VSTM4: variants seen among roughly 807,000 people sequenced by gnomAD.
VSTM4 encodes V-set and transmembrane domain containing 4.
VSTM4 carries 20 observed loss-of-function variants against 36.4 expected under a neutral mutation model. The observed-to-expected ratio is 0.55, with a 90% confidence interval of 0.39 to 0.80. The LOEUF (loss-of-function observed/expected upper bound fraction) is 0.80, where lower values mean the gene tolerates loss of function less well. Among genes scored for constraint, VSTM4 ranks in the 30% least tolerant of loss-of-function variants. VSTM4 has a pLI of 0.00. For synonymous variants in VSTM4, 182 were observed against 173.9 expected, an observed-to-expected ratio of 1.05 and a Z score of -0.37; for missense variants, 392 against 404.5, an observed-to-expected ratio of 0.97 and a Z score of 0.26.
At chr10:49,028,310 C>A (rs1468021169) in intron 7 of VSTM4, among the ~76,000 whole-genome samples, 1 of 152,162 alleles carries the variant, frequency 6.6e-6, no homozygotes, top group Admixed American at 6.5e-5. Context: ...CTGGGCATCA[C>A]AAAGTGAGTC....
chr10:49,048,668 C>G (rs995144097), intron 5 of VSTM4, 84 bp from the exon 6 acceptor site: 114 of 1,161,790 alleles, frequency 9.8e-5, no homozygotes, highest in Admixed American at 1.3e-4. Flanking sequence ...CAATAGCTTC[C>G]AATAGTTTCT....
intron 2 of VSTM4, among the ~76,000 whole-genome samples, chr10:49,096,622 CGTGTGTGTGTGTGTGTGTGTGTGT>C (rs57143308): frequency 8.2e-6 from 1 of 122,578 alleles, no homozygotes; most frequent in East Asian, 2.4e-4. Context: ...CATTGAAGAC[CGTGTGTGTGTGTGTGTGTGTGTGT>C]GTGTGTGTGT....
chr10:49,097,981 C>T (rs898938111), intron 2 of VSTM4, among the ~76,000 whole-genome samples: 3 of 152,212 alleles, frequency 2.0e-5, no homozygotes, highest in Non-Finnish European at 4.4e-5. Context: ...GGAATCCCAA[C>T]ACTAGGCTAT....
intron 5 of VSTM4, among the ~76,000 whole-genome samples, chr10:49,060,159 A>G (rs1349011049): frequency 6.6e-6 from 1 of 152,234 alleles, no homozygotes; most frequent in Non-Finnish European, 1.5e-5. Context: ...TGAACACAGC[A>G]GCTATGAACA....
rs1048002937 is a variant in VSTM4 at position 49,033,303 on chromosome 10, G to T, written c.838-13528C>A. 2.6e-4 allele frequency among the ~76,000 whole-genome samples: 40 copies of T among 152,264 alleles called. No individual in the cohort carries two copies. The Middle Eastern group carries it at 0.02, about 78-fold the overall frequency. On this transcript the variant is annotated intron_variant, in intron 7 of 7. Coordinates refer to ENST00000332853, the MANE Select transcript of VSTM4 (RefSeq NM_001031746.5). ...ATTCAACCTGTGAACACTGTGTAAA[G>T]AATCATTCCCATTTTTAGGGAACTT... is the stretch of plus-strand genomic sequence containing the variant.
intron 4 of VSTM4, among the ~76,000 whole-genome samples, chr10:49,076,988 G>T (rs1410462607): frequency 6.6e-6 from 1 of 152,162 alleles, no homozygotes; most frequent in African/African-American, 2.4e-5. Flanking sequence ...CAGCAGGAAG[G>T]GGCCTCAGAA....
intron 7 of VSTM4, among the ~76,000 whole-genome samples, chr10:49,028,534 T>C (rs2254632): frequency 0.84 from 128,524 of 152,178 alleles, 55,788 homozygotes; most frequent in Non-Finnish European, 0.93. Context: ...CAAGGAATTC[T>C]GAGGTTGTGC....
intron 3 of VSTM4, among the ~76,000 whole-genome samples, chr10:49,084,542 C>T (rs1844336744): frequency 6.6e-6 from 1 of 152,200 alleles, no homozygotes; most frequent in African/African-American, 2.4e-5. Context: ...CAAGTACTTG[C>T]TCCCTAAGGA....
At chr10:49,049,752 CTTCT>C (rs1319088632) in intron 5 of VSTM4, among the ~76,000 whole-genome samples, 4 of 69,458 alleles carry the variant, frequency 5.8e-5, no homozygotes, top group Non-Finnish European at 1.8e-4. Context: ...AGTATACTGA[CTTCT>C]TTTTTTTTTT....
In VSTM4 at chr10:49,048,466, C is replaced by T; in HGVS notation, c.775+12G>A. On this transcript the variant is annotated intron_variant, in intron 6 of 7. Coordinates refer to ENST00000332853, the MANE Select transcript of VSTM4 (RefSeq NM_001031746.5). ...TAGTTTCCAGGTAAGAAACTGCAGG[C>T]CAGCTCCTTACCTTTGGCAGGGACT... 1.3e-6 allele frequency: 2 copies of T among 1,572,792 alleles called. No homozygotes were observed. Among genetic ancestry groups the T allele is most frequent in the Non-Finnish European group, 1.7e-6 (2 of 1,165,464 alleles).
intron 5 of VSTM4, among the ~76,000 whole-genome samples, chr10:49,061,658 G>T (rs560182848): frequency 6.6e-6 from 1 of 152,066 alleles, no homozygotes; most frequent in East Asian, 1.9e-4. Context: ...AAGGTTTTTT[G>T]CCCTGAAGTA....
intron 2 of VSTM4, among the ~76,000 whole-genome samples, chr10:49,098,998 A>G (rs1171167995): frequency 1.3e-5 from 2 of 152,202 alleles, no homozygotes; most frequent in Non-Finnish European, 2.9e-5. Context: ...AACCTTCCTC[A>G]ATAGAATGGA....
At chr10:49,105,841 G>A (rs1016415701) in intron 2 of VSTM4, among the ~76,000 whole-genome samples, 88 of 149,442 alleles carry the variant, frequency 5.9e-4, no homozygotes, top group African/African-American at 1.6e-3. Context: ...ATGTGTGTGT[G>A]TATATATATA....
At chr10:49,049,151 C>T (rs1843659351) in intron 5 of VSTM4, among the ~76,000 whole-genome samples, 1 of 152,200 alleles carries the variant, frequency 6.6e-6, no homozygotes, top group Admixed American at 6.5e-5. Flanking sequence ...TCTTGCTGCA[C>T]CTTTACCTTT....
intron 4 of VSTM4, among the ~76,000 whole-genome samples, chr10:49,065,163 G>A (rs905773634): frequency 1.3e-5 from 2 of 152,116 alleles, no homozygotes; most frequent in Non-Finnish European, 2.9e-5. Flanking sequence ...GCTCTTCCAG[G>A]ACTAAAAAGA....
At chr10:49,112,236 C>A (rs11100986) in intron 1 of VSTM4, among the ~76,000 whole-genome samples, 1 of 152,206 alleles carries the variant, frequency 6.6e-6, no homozygotes, top group Non-Finnish European at 1.5e-5. Flanking sequence ...AGGATTCCTG[C>A]TGCAGCAAAT....
intron 5 of VSTM4, among the ~76,000 whole-genome samples, chr10:49,058,387 G>A (rs2131971464): frequency 6.6e-6 from 1 of 152,288 alleles, no homozygotes; most frequent in South Asian, 2.1e-4. Context: ...CAACTGGGGG[G>A]ATTTCGTTTT....
chr10:49,064,824 A>G, intron 4 of VSTM4, 88 bp from the exon 5 acceptor site: 1 of 1,454,998 alleles, frequency 6.9e-7, no homozygotes, highest in Non-Finnish European at 9.5e-7. Flanking sequence ...GCCGGGAGCC[A>G]GGTGTTGTTC....
chr10:49,043,332 C>T (rs1169591897), intron 7 of VSTM4, among the ~76,000 whole-genome samples: 1 of 152,122 alleles, frequency 6.6e-6, no homozygotes, highest in African/African-American at 2.4e-5. Context: ...ATAAACTATA[C>T]ATTAAAATCG....
Sources: allele counts gnomAD v4.1 joint callset (sites outside exome capture counted in the v4.1 genomes callset), GRCh38; gene constraint gnomAD v4.1.1; transcripts MANE v1.5; gene names NCBI Gene and HGNC (gene_info 2026-07-23, HGNC 2026-07-21).